BAIAP2: variants seen among roughly 807,000 people sequenced by gnomAD.
BAIAP2 encodes BAR/IMD domain containing adaptor protein 2, also known as BAR/IMD domain-containing adapter protein 2.
In BAIAP2, 18 loss-of-function variants were observed where a neutral mutation model predicts 63.0. The observed-to-expected ratio is 0.29, with a 90% CI of 0.20 to 0.42. BAIAP2 has a LOEUF of 0.42. BAIAP2 is among the 10% of genes least tolerant of loss of function. The pLI, the probability that BAIAP2 is intolerant of heterozygous loss-of-function variation, is 1.00. For missense variants in BAIAP2, 610 were observed against 734.3 expected, an observed-to-expected ratio of 0.83 and a Z score of 1.96; for synonymous variants, 386 against 307.6, an observed-to-expected ratio of 1.25 and a Z score of -2.67.
At chr17:81,050,679 G>A (rs1453624047) in intron 1 of BAIAP2, among the ~76,000 whole-genome samples, 1 of 150,410 alleles carries the variant, frequency 6.6e-6, no homozygotes, top group Admixed American at 6.6e-5. Context: ...TGTCACACAG[G>A]GTGAGAAACA....
intron 3 of BAIAP2, among the ~76,000 whole-genome samples, chr17:81,074,805 C>G (rs745967290): frequency 6.6e-6 from 1 of 152,210 alleles, no homozygotes; most frequent in African/African-American, 2.4e-5. Flanking sequence ...TGTACGGATG[C>G]GTGTGAGTGC....
intron 6 of BAIAP2, among the ~76,000 whole-genome samples, chr17:81,098,432 T>A (rs1020515491): frequency 3.4e-4 from 50 of 147,682 alleles, no homozygotes; most frequent in African/African-American, 6.5e-4. Context: ...TTTTTTTTTT[T>A]AAATTGTGAT....
intron 3 of BAIAP2, among the ~76,000 whole-genome samples, chr17:81,074,882 A>C (rs556151572): frequency 6.6e-6 from 1 of 152,242 alleles, no homozygotes; most frequent in Non-Finnish European, 1.5e-5. Flanking sequence ...ACCGCCAGGG[A>C]ACCTCGGCGA....
intron 1 of BAIAP2, among the ~76,000 whole-genome samples, chr17:81,048,958 CGGACCGCCTTCATGGGCA>C (rs2048248584): frequency 1.3e-5 from 2 of 152,214 alleles, no homozygotes; most frequent in African/African-American, 2.4e-5. Flanking sequence ...CCTCGTGGGC[CGGACCGCCTTCATGGGCA>C]GGACCCCCTT....
rs114322251 is a variant in BAIAP2 at position 81,044,195 on chromosome 17, G to A, written c.54+8887G>A. 2.4e-3 allele frequency among the ~76,000 whole-genome samples: 362 copies of A among 152,332 alleles called. 1 individual carries two copies. Among genetic ancestry groups the A allele is most frequent in the African/African-American group, 8.0e-3 (332 of 41,564 alleles). Reference sequence around the variant, plus strand: ...GCTGCCTCCCTGCTTGCTCAGCCACGGTTGCTCCTCCAGCCGTGAGCCCAG... The same window carrying A: ...GCTGCCTCCCTGCTTGCTCAGCCACAGTTGCTCCTCCAGCCGTGAGCCCAG... On this transcript the variant is annotated intron_variant, in intron 1 of 13. Coordinates refer to ENST00000428708, the MANE Select transcript of BAIAP2 (RefSeq NM_001144888.2).
chr17:81,097,610 C>T (rs1000551720), intron 6 of BAIAP2: 4 of 152,788 alleles, frequency 2.6e-5, no homozygotes, highest in South Asian at 2.1e-4. Context: ...CTGAACTGAC[C>T]ACTCCTTGAC....
chr17:81,106,971 C>T (rs1487752017), intron 12 of BAIAP2, 64 bp downstream of exon 12: 5 of 1,451,238 alleles, frequency 3.4e-6, no homozygotes, highest in African/African-American at 1.4e-5. Context: ...AGCCTGCAGT[C>T]CCCCGTTGGA....
chr17:81,043,009 A>G (rs2047302608), intron 1 of BAIAP2, among the ~76,000 whole-genome samples: 1 of 152,132 alleles, frequency 6.6e-6, no homozygotes, highest in African/African-American at 2.4e-5. Context: ...CTGGGATTAC[A>G]GGTGTGCGCC....
chr17:81,065,922 T>C (rs2051377669), intron 3 of BAIAP2, among the ~76,000 whole-genome samples: 3 of 152,256 alleles, frequency 2.0e-5, no homozygotes, highest in Non-Finnish European at 4.4e-5. Context: ...GACGGTGCCC[T>C]GTCTTCAGTG....
intron 7 of BAIAP2, among the ~76,000 whole-genome samples, chr17:81,101,891 G>GC (rs140880988): frequency 0.015 from 2,249 of 152,344 alleles, 53 homozygotes; most frequent in African/African-American, 0.051. Flanking sequence ...TGGAGCGCAG[G>GC]CCTCCCGCCT....
chr17:81,048,673 C>T (rs994233599), intron 1 of BAIAP2, among the ~76,000 whole-genome samples: 1 of 152,186 alleles, frequency 6.6e-6, no homozygotes, highest in Non-Finnish European at 1.5e-5. Context: ...CTGACGGCCA[C>T]CTCTGCAACT....
At chr17:81,088,861 GC>G (rs1385194046) in intron 6 of BAIAP2, among the ~76,000 whole-genome samples, 12 of 152,242 alleles carry the variant, frequency 7.9e-5, no homozygotes, top group African/African-American at 9.6e-5. Flanking sequence ...GTAGCATAGG[GC>G]CGGACAAAGG....
chr17:81,077,583 A>T (rs1163798606), intron 3 of BAIAP2, among the ~76,000 whole-genome samples: 1 of 151,134 alleles, frequency 6.6e-6, no homozygotes, highest in Non-Finnish European at 1.5e-5. Flanking sequence ...AAAAAGTAAA[A>T]ATGGTGAATT....
At chr17:81,040,389 C>T (rs145999755) in intron 1 of BAIAP2, among the ~76,000 whole-genome samples, 55 of 152,372 alleles carry the variant, frequency 3.6e-4, no homozygotes, top group East Asian at 9.6e-4. Flanking sequence ...CGGCCTCCAA[C>T]GCACTTCCAC....
chr17:81,076,810 G>A (rs1476207992), intron 3 of BAIAP2, among the ~76,000 whole-genome samples: 2 of 152,164 alleles, frequency 1.3e-5, no homozygotes, highest in East Asian at 1.9e-4. Context: ...GTCTACAAAA[G>A]TATCTTAAAA....
At chr17:81,037,265 G>A (rs1204918200) in intron 1 of BAIAP2, among the ~76,000 whole-genome samples, 5 of 152,250 alleles carry the variant, frequency 3.3e-5, no homozygotes, top group African/African-American at 7.2e-5. Context: ...GATTTAGCAC[G>A]GCAGGACGCG....
intron 1 of BAIAP2, among the ~76,000 whole-genome samples, chr17:81,048,406 A>AC (rs910788897): frequency 6.7e-6 from 1 of 148,150 alleles, no homozygotes; most frequent in African/African-American, 2.5e-5. Context: ...CGGAAGGTGG[A>AC]CCCCAGCACG....
At chr17:81,053,425 G>A (rs1194887435) in intron 1 of BAIAP2, 14 of 544,152 alleles carry the variant, frequency 2.6e-5, no homozygotes, top group Non-Finnish European at 4.3e-5. Context: ...CTCCTCTGCG[G>A]CCGGGTTTCT....
At chr17:81,080,425 CCT>C (rs2054405033) in intron 3 of BAIAP2, among the ~76,000 whole-genome samples, 1 of 152,240 alleles carries the variant, frequency 6.6e-6, no homozygotes, top group African/African-American at 2.4e-5. Context: ...CTGGACCTCC[CCT>C]GTGTGTGCGC....
Sources: allele counts gnomAD v4.1 joint callset (sites outside exome capture counted in the v4.1 genomes callset), GRCh38; gene constraint gnomAD v4.1.1; transcripts MANE v1.5; gene names NCBI Gene and HGNC (gene_info 2026-07-23, HGNC 2026-07-21).